Variants in NOC3L observed in about 807,000 individuals in gnomAD.
The protein encoded by NOC3L is nucleolar complex protein 3 homolog.
In NOC3L, 85 loss-of-function variants were observed where a neutral mutation model predicts 102.5. The ratio of observed to expected loss-of-function variants is 0.83; its 90% confidence interval spans 0.70 to 0.99. The LOEUF is 0.99. Ranked by LOEUF, NOC3L falls within the 50% of genes least tolerant of loss-of-function variation. The pLI is 0.00. For synonymous variants in NOC3L, 303 were observed against 309.4 expected (o/e 0.98, Z 0.22); for missense variants, 878 against 914.9 (o/e 0.96, Z 0.52).
chr10:94,337,626 G>A (rs1304156608), intron 19 of NOC3L, 151 bp downstream of exon 19: 3 of 531,338 alleles, frequency 5.6e-6, no homozygotes, highest in Non-Finnish European at 1.0e-5. Context: ...TTTTCTTTCA[G>A]AACAATTCAG....
the NOC3L span, among the ~76,000 whole-genome samples, chr10:94,319,774 G>A: frequency 6.6e-6 from 1 of 151,734 alleles, no homozygotes; most frequent in Admixed American, 6.6e-5. Flanking sequence ...ATAAGTGAGG[G>A]CTATTGTTAT....
the NOC3L span, chr10:94,324,509 C>A: frequency 6.2e-7 from 1 of 1,614,104 alleles, no homozygotes; most frequent in Non-Finnish European, 8.5e-7. Flanking sequence ...GTGTTTCAAG[C>A]CCAAAGCAAG....
intron 1 of NOC3L, 137 bp from the exon 2 acceptor site, chr10:94,362,009 T>C: frequency 6.8e-6 from 5 of 739,098 alleles, no homozygotes; most frequent in Non-Finnish European, 1.2e-5. Flanking sequence ...ATATAAAAGC[T>C]AAAACCAAAC....
At chr10:94,357,466 G>C in intron 3 of NOC3L, 135 bp from the exon 4 acceptor site, 1 of 559,210 alleles carries the variant, frequency 1.8e-6, no homozygotes. Context: ...TTAGGCTAGT[G>C]TCTGGCACAT....
chr10:94,325,128 C>G, the NOC3L span: 1 of 1,507,266 alleles, frequency 6.6e-7, no homozygotes, highest in Admixed American at 1.7e-5. Flanking sequence ...TTGCACCATC[C>G]TGGAACAGGG....
the NOC3L span, among the ~76,000 whole-genome samples, chr10:94,322,255 G>A: frequency 6.6e-6 from 1 of 152,042 alleles, no homozygotes; most frequent in Non-Finnish European, 1.5e-5. Context: ...TTAGGAAGCT[G>A]AGGCAGGAGG....
At chr10:94,322,357 T>A in the NOC3L span, among the ~76,000 whole-genome samples, 7 of 150,164 alleles carry the variant, frequency 4.7e-5, no homozygotes, top group Non-Finnish European at 8.9e-5. Flanking sequence ...TGTCTCTAAT[T>A]GAAAAAAAAA....
intron 6 of NOC3L, among the ~76,000 whole-genome samples, chr10:94,354,650 G>A (rs1205905691): frequency 1.3e-5 from 2 of 152,122 alleles, no homozygotes; most frequent in African/African-American, 2.4e-5. Flanking sequence ...TTGCAAACAG[G>A]TTCCTCCTCC....
chr10:94,343,932 G>C (rs532654061), intron 13 of NOC3L, among the ~76,000 whole-genome samples: 4 of 152,084 alleles, frequency 2.6e-5, no homozygotes, highest in Non-Finnish European at 5.9e-5. Context: ...AAAAATTGTG[G>C]AACGCTATCA....
At chr10:94,343,334 G>A (rs1001450186) in intron 13 of NOC3L, among the ~76,000 whole-genome samples, 7 of 152,184 alleles carry the variant, frequency 4.6e-5, no homozygotes, top group Non-Finnish European at 2.9e-5. Flanking sequence ...GACTCACTCA[G>A]GAGTTCAAGA....
At chr10:94,321,208 G>A in the NOC3L span, among the ~76,000 whole-genome samples, 3 of 152,306 alleles carry the variant, frequency 2.0e-5, no homozygotes, top group Admixed American at 6.5e-5. Context: ...TTTCTTAAAT[G>A]CTCAACGTCT....
At chr10:94,358,818 TTC>T (rs888115236) in intron 2 of NOC3L, among the ~76,000 whole-genome samples, 2 of 152,170 alleles carry the variant, frequency 1.3e-5, no homozygotes, top group African/African-American at 2.4e-5. Context: ...TACCTGTGTG[TTC>T]TGTCTTCACT....
intron 19 of NOC3L, among the ~76,000 whole-genome samples, chr10:94,335,103 T>C (rs2054203649): frequency 6.6e-6 from 1 of 152,196 alleles, no homozygotes; most frequent in African/African-American, 2.4e-5. Flanking sequence ...AGCTCAACTC[T>C]TCAGCTACTG....
rs142805936 is a variant in NOC3L at position 94,334,208 on chromosome 10, A to G, written c.2372T>C (p.Phe791Ser). The G allele has an allele frequency of 4.3e-3, 6,784 of 1,589,958 alleles. 22 individuals are homozygous for G. The highest frequency in any genetic ancestry group is 9.4e-3 in the Middle Eastern group (57 of 6,032). Residue 791 changes from phenylalanine to serine, a missense_variant, in exon 21 of 21, where the codon TTC becomes TCC. Transcript: ENST00000371361. ...TAGTGATGTTTTCAAATATTTCGTG[A>G]AATCCAGAGGCGATTCAGTAGCAAC... ...SEVATESPLD[F>S]TKYLKTSLH
At chr10:94,343,999 G>C (rs936724042) in intron 13 of NOC3L, among the ~76,000 whole-genome samples, 2 of 152,136 alleles carry the variant, frequency 1.3e-5, no homozygotes, top group African/African-American at 2.4e-5. Flanking sequence ...AGTGTTGAGT[G>C]AATACACCAA....
chr10:94,340,526 G>T, intron 14 of NOC3L, 30 bp from the exon 15 acceptor site: 3 of 776,992 alleles, frequency 3.9e-6, no homozygotes, highest in South Asian at 1.4e-5. Context: ...GGGTGAGGGG[G>T]ATGGAATATT....
At chr10:94,336,498 C>A (rs1487812237) in intron 19 of NOC3L, among the ~76,000 whole-genome samples, 4 of 151,990 alleles carry the variant, frequency 2.6e-5, no homozygotes, top group Admixed American at 2.6e-4. Context: ...CAGGAACCCA[C>A]CACCACGCCT....
At chr10:94,324,239 C>T in the NOC3L span, 1 of 829,974 alleles carries the variant, frequency 1.2e-6, no homozygotes, top group Admixed American at 1.7e-5. Flanking sequence ...CTGGAAGATC[C>T]CCTTCATCTC....
At chr10:94,347,378 T>C (rs1419375220) in intron 10 of NOC3L, among the ~76,000 whole-genome samples, 2 of 152,182 alleles carry the variant, frequency 1.3e-5, no homozygotes, top group Non-Finnish European at 2.9e-5. Context: ...GTAGGTACTG[T>C]ATGTGCTCAA....
Sources: allele counts gnomAD v4.1 joint callset (sites outside exome capture counted in the v4.1 genomes callset), GRCh38; gene constraint gnomAD v4.1.1; transcripts MANE v1.5; gene names NCBI Gene and HGNC (gene_info 2026-07-23, HGNC 2026-07-21).